The following SAMD5 variants were observed in gnomAD, a reference collection of about 807,000 sequenced individuals.
The protein encoded by SAMD5 is sterile alpha motif domain containing 5.
Under a neutral mutation model 11.3 loss-of-function variants are expected in SAMD5, and 13 were observed. That is an observed-to-expected ratio of 1.15 (90% CI 0.75 to 1.83). The LOEUF is 1.83. SAMD5 is among the 40% of genes most tolerant of loss of function. The pLI, the probability that SAMD5 is intolerant of heterozygous loss-of-function variation, is 0.00. For synonymous variants in SAMD5, 129 were observed against 111.3 expected (o/e 1.16, Z -1.00); for missense variants, 255 against 239.1 (o/e 1.07, Z -0.44).
intron 1 of SAMD5, among the ~76,000 whole-genome samples, chr6:147,675,445 C>A (rs1411196800): frequency 6.6e-6 from 1 of 152,152 alleles, no homozygotes; most frequent in Non-Finnish European, 1.5e-5. Context: ...TGACTGGCTC[C>A]CCAACAACGT....
At chr6:147,618,946 G>A in intron 1 of SAMD5, among the ~76,000 whole-genome samples, 1 of 152,172 alleles carries the variant, frequency 6.6e-6, no homozygotes, top group East Asian at 1.9e-4. Flanking sequence ...GGAATTCTTT[G>A]CAAAAACATA....
At chr6:147,581,399 G>A (rs73578624) in intron 1 of SAMD5, among the ~76,000 whole-genome samples, 3,189 of 152,278 alleles carry the variant, frequency 0.021, 108 homozygotes, top group African/African-American at 0.073. Context: ...AGGGTCATTG[G>A]TATATGCTAA....
At chr6:147,857,222 G>A in the SAMD5 span, among the ~76,000 whole-genome samples, 16,681 of 151,478 alleles carry the variant, frequency 0.11, 1,249 homozygotes, top group East Asian at 0.34. Flanking sequence ...GCAACTATGG[G>A]CCAGGCACAG....
the SAMD5 span, among the ~76,000 whole-genome samples, chr6:147,929,273 G>T: frequency 6.6e-6 from 1 of 151,924 alleles, no homozygotes; most frequent in African/African-American, 2.4e-5. Context: ...TGCTGTAAGA[G>T]ACATAGTTCA....
intron 1 of SAMD5, among the ~76,000 whole-genome samples, chr6:147,621,758 T>G (rs886846333): frequency 6.6e-6 from 1 of 152,148 alleles, no homozygotes; most frequent in African/African-American, 2.4e-5. Context: ...TAATGATACC[T>G]GGGGCCATGG....
the SAMD5 span, among the ~76,000 whole-genome samples, chr6:147,791,070 G>A: frequency 2.0e-5 from 3 of 151,876 alleles, no homozygotes; most frequent in Non-Finnish European, 2.9e-5. Context: ...TGGGGTGGGC[G>A]GATCACTTGA....
chr6:147,781,549 A>G, the SAMD5 span, among the ~76,000 whole-genome samples: 3 of 152,002 alleles, frequency 2.0e-5, no homozygotes, highest in Non-Finnish European at 4.4e-5. Context: ...ATTCCACCAA[A>G]TGTTGACAGA....
At chr6:147,533,638 G>A (rs1031414042) in intron 1 of SAMD5, among the ~76,000 whole-genome samples, 1 of 151,868 alleles carries the variant, frequency 6.6e-6, no homozygotes, top group Admixed American at 6.6e-5. Context: ...AAAACCTAGA[G>A]GATGTGTGTC....
intron 1 of SAMD5, among the ~76,000 whole-genome samples, chr6:147,669,420 CTTTTTTTTTTTTT>C (rs55877273): frequency 4.0e-5 from 3 of 74,516 alleles, no homozygotes; most frequent in African/African-American, 1.1e-4. Context: ...AGCTCCACTT[CTTTTTTTTTTTTT>C]TTTTTTTTTT....
the SAMD5 span, among the ~76,000 whole-genome samples, chr6:147,776,186 A>G: frequency 6.6e-6 from 1 of 152,200 alleles, no homozygotes; most frequent in Non-Finnish European, 1.5e-5. Context: ...GGTAATGATC[A>G]GGATTATGCC....
chr6:147,577,941 G>A (rs1440801140), intron 1 of SAMD5, among the ~76,000 whole-genome samples: 2 of 152,076 alleles, frequency 1.3e-5, no homozygotes, highest in Non-Finnish European at 1.5e-5. Flanking sequence ...ACCAATGAAA[G>A]CTATATTCTA....
chr6:147,517,322 G>A (rs533507041), intron 1 of SAMD5, among the ~76,000 whole-genome samples: 1 of 152,264 alleles, frequency 6.6e-6, no homozygotes, highest in South Asian at 2.1e-4. Flanking sequence ...AACAGGTGTT[G>A]AGGGAAAAAG....
chr6:147,922,795 A>C, the SAMD5 span, among the ~76,000 whole-genome samples: 1 of 152,210 alleles, frequency 6.6e-6, no homozygotes. Context: ...CTAAAAAATC[A>C]ATACAACTAA....
At chr6:147,576,502 G>T (rs765077308) in intron 1 of SAMD5, among the ~76,000 whole-genome samples, 1 of 152,120 alleles carries the variant, frequency 6.6e-6, no homozygotes, top group Middle Eastern at 3.2e-3. Context: ...TATGCTCAGA[G>T]TCTGTGTGGT....
In SAMD5 at chr6:147,509,171, G is replaced by C; in HGVS notation, c.243G>C (p.Ala81=). 1.5e-6 allele frequency: 2 copies of C among 1,308,112 alleles called. No individual in the cohort carries two copies. Among genetic ancestry groups the C allele is most frequent in the Non-Finnish European group, 1.9e-6 (2 of 1,031,508 alleles). 81.0% of individuals were successfully genotyped at this position (1,308,112 alleles called of 1,614,324 possible). The part of the protein sequence containing the change: ...GLYFTLEPQP[A]PPGPPADAVP... ...ACTTCACGCTTGAGCCGCAGCCGGC[G>C]CCCCCCGGGCCGCCCGCCGACGCCG... is the stretch of plus-strand genomic sequence containing the variant. The change falls in exon 1 of 2, where the codon GCG becomes GCC. Residue 81 remains alanine (A), a synonymous_variant. Coordinates refer to ENST00000367474, the MANE Select transcript of SAMD5 (RefSeq NM_001030060.3).
chr6:147,861,193 C>G, the SAMD5 span, among the ~76,000 whole-genome samples: 37 of 151,064 alleles, frequency 2.4e-4, no homozygotes, highest in African/African-American at 8.8e-4. Flanking sequence ...TAATCAGAGT[C>G]TCACTCTGTC....
chr6:147,635,679 A>G (rs1022427236), intron 1 of SAMD5, among the ~76,000 whole-genome samples: 1 of 152,220 alleles, frequency 6.6e-6, no homozygotes. Context: ...GACATCATGT[A>G]AGCAGAGGCC....
chr6:147,697,543 T>G (rs1229586985), intron 1 of SAMD5, among the ~76,000 whole-genome samples: 2 of 152,308 alleles, frequency 1.3e-5, no homozygotes, highest in East Asian at 3.9e-4. Context: ...TTTGTTCAGT[T>G]TATTACTTAT....
the SAMD5 span, among the ~76,000 whole-genome samples, chr6:147,841,879 G>A: frequency 3.9e-5 from 6 of 152,134 alleles, no homozygotes; most frequent in Non-Finnish European, 8.8e-5. Context: ...CAAAAATAAA[G>A]CACAAAAGAC....
Sources: gnomAD v4.1 joint callset for allele counts (sites outside exome capture counted in the v4.1 genomes callset) on GRCh38, gnomAD v4.1.1 for gene constraint, MANE v1.5 for transcripts, NCBI Gene and HGNC (gene_info 2026-07-23, HGNC 2026-07-21) for gene names.